DUSP3: variants seen among roughly 807,000 people sequenced by gnomAD.
DUSP3 encodes dual specificity phosphatase 3.
A neutral mutation model predicts 15.5 loss-of-function variants in DUSP3; 7 were observed. That is an observed-to-expected ratio of 0.45 (90% CI 0.26 to 0.85). The LOEUF (loss-of-function observed/expected upper bound fraction) is 0.85, where lower values mean the gene tolerates loss of function less well. Among genes scored for constraint, DUSP3 ranks in the 40% least tolerant of loss-of-function variants. DUSP3 has a pLI of 0.18. For missense variants in DUSP3, 209 were observed against 251.7 expected (o/e 0.83, Z 1.15); for synonymous variants, 86 against 104.2 (o/e 0.83, Z 1.07).
chr17:43,772,452 C>T (rs967876206), intron 2 of DUSP3, among the ~76,000 whole-genome samples: 6 of 152,152 alleles, frequency 3.9e-5, no homozygotes, highest in African/African-American at 1.4e-4. Flanking sequence ...ACCTCCCATT[C>T]CTCTAGGCTC....
In DUSP3 at chr17:43,769,587, G is replaced by A. The variant is rs369228667; in HGVS notation, c.*22C>T. ...CCACGGCCTCCCCCACGGACCTCTC[G>A]AGCAGAGGTGGTGGGGGTGCCCTAG... On this transcript the variant is annotated 3_prime_UTR_variant, in exon 3 of 3. Coordinates refer to ENST00000226004, the MANE Select transcript of DUSP3 (RefSeq NM_004090.4). 2.2e-5 allele frequency: 36 copies of A among 1,609,914 alleles called. 1 individual carries two copies. In the African/African-American group the frequency reaches 3.3e-4, roughly 15 times the overall value.
rs562272554 is a variant in DUSP3, at chr17:43,775,374, T to C, written c.126-436A>G. On this transcript the variant is annotated intron_variant, in intron 1 of 2. Transcript: ENST00000226004. ...TGCCCAGGTACTAGCCAGGCAACCT[T>C]AAGCAAGCCATTTAACCTTTCTGTG... Among the ~76,000 whole-genome samples, 66 of 152,318 alleles carry C rather than the reference T, an allele frequency of 4.3e-4. 1 individual carries two copies. The highest frequency in any genetic ancestry group is 1.5e-3 in the African/African-American group (64 of 41,566).
intron 1 of DUSP3, among the ~76,000 whole-genome samples, chr17:43,776,949 G>A (rs976619660): frequency 1.3e-5 from 2 of 152,062 alleles, no homozygotes; most frequent in East Asian, 1.9e-4. Context: ...ACTTTGAAGA[G>A]TCACTCCCAT....
At chr17:43,770,007 G>A (rs1427884011) in intron 2 of DUSP3, among the ~76,000 whole-genome samples, 193 bp from the exon 3 acceptor site, 4 of 152,170 alleles carry the variant, frequency 2.6e-5, no homozygotes, top group Non-Finnish European at 5.9e-5. Flanking sequence ...ACTCTTCTGC[G>A]TGGCTGGGGG....
chr17:43,769,724 T>A lies in DUSP3; in HGVS notation c.443A>T (p.Lys148Met). The change falls in exon 3 of 3, where the codon AAG becomes ATG. Residue 148 changes from lysine to methionine, a missense_variant. Transcript: ENST00000226004. ...CTGCCTCACGATGCTCAGGGCAGACTTGACGTCCATCTTCTGCCGCATCAT... is the reference window on the plus strand; with the variant it reads ...CTGCCTCACGATGCTCAGGGCAGACATGACGTCCATCTTCTGCCGCATCAT... ...YLMMRQKMDV[K>M]SALSIVRQNR... The A allele has an allele frequency of 6.2e-7, 1 of 1,614,082 alleles. No individual in the cohort carries two copies. The highest frequency in any genetic ancestry group is 8.5e-7 in the Non-Finnish European group (1 of 1,179,990).
At chr17:43,776,190 A>G (rs1422712994) in intron 1 of DUSP3, among the ~76,000 whole-genome samples, 5 of 152,242 alleles carry the variant, frequency 3.3e-5, no homozygotes, top group Non-Finnish European at 5.9e-5. Flanking sequence ...ATTTCATCTC[A>G]CAAAACATCC....
At chr17:43,777,030 C>T (rs1014593313) in intron 1 of DUSP3, among the ~76,000 whole-genome samples, 25 of 151,912 alleles carry the variant, frequency 1.6e-4, no homozygotes, top group African/African-American at 5.1e-4. Context: ...TGGAGTGCAA[C>T]GGTACGATCT....
At chr17:43,772,970 A>C (rs144208250) in intron 2 of DUSP3, among the ~76,000 whole-genome samples, 16 of 152,290 alleles carry the variant, frequency 1.1e-4, no homozygotes, top group East Asian at 9.6e-4. Context: ...TGAATGAATA[A>C]CCAATTGCTA....
chr17:43,777,401 T>G (rs1361701670), intron 1 of DUSP3: 2 of 406,986 alleles, frequency 4.9e-6, no homozygotes, highest in Non-Finnish European at 9.9e-6. Context: ...AATGATGGAA[T>G]GGATGAGAAC....
At chr17:43,769,886 C>T (rs1011412249) in intron 2 of DUSP3, 72 bp from the exon 3 acceptor site, 32 of 1,495,938 alleles carry the variant, frequency 2.1e-5, no homozygotes, top group African/African-American at 8.4e-5. Flanking sequence ...AAGACTCTTC[C>T]GTGAAGTGCC....
rs1434603921 is a variant in DUSP3 at position 43,766,129 on chromosome 17, T to G, written c.*3480A>C. 1 of 152,692 alleles carries G rather than the reference T, an allele frequency of 6.5e-6. No homozygotes were observed. The highest frequency in any genetic ancestry group is 1.5e-5 in the Non-Finnish European group (1 of 68,048). 9.5% of individuals were successfully genotyped at this position (152,692 alleles called of 1,614,324 possible). The stretch of plus-strand genomic sequence containing the variant: ...GAAGGACAAAAAAACAATACCTTTG[T>G]AATGTAAGACATTTATTTTGGCTAA... On this transcript the variant is annotated 3_prime_UTR_variant, in exon 3 of 3. Coordinates refer to ENST00000226004, the MANE Select transcript of DUSP3 (RefSeq NM_004090.4).
At chr17:43,774,613 A>C in intron 2 of DUSP3, 99 bp downstream of exon 2, 1 of 1,304,118 alleles carries the variant, frequency 7.7e-7, no homozygotes, top group Non-Finnish European at 1.1e-6. Flanking sequence ...GATGGGAAAC[A>C]AGGGAGTTTC....
At position 43,778,861 on chromosome 17, in the gene DUSP3, A is replaced by G. The variant is rs1282667475; in HGVS notation, c.64T>C (p.Cys22Arg). 6.6e-7 allele frequency: 1 copy of G among 1,523,200 alleles called. No homozygotes were observed. The highest frequency in any genetic ancestry group is 2.1e-5 in the Admixed American group (1 of 48,270). 94.4% of individuals were successfully genotyped at this position (1,523,200 alleles called of 1,614,324 possible). Residue 22 changes from cysteine (C) to arginine (R), a missense_variant, in exon 1 of 3, where the codon TGC (cysteine) becomes CGC (arginine). Cys to Arg is a radical substitution (Grantham distance 180). Transcript: ENST00000226004. The stretch of plus-strand genomic sequence containing the variant: ...CAGGGCTGGCTCGGGAGGCTGTAGC[A>G]GCCGCTGCCGTCCGAGAGCAGGTCG... The part of the protein sequence containing the change: ...LNDLLSDGSG[C>R]YSLPSQPCNE...
At chr17:43,773,545 G>T (rs893184470) in intron 2 of DUSP3, among the ~76,000 whole-genome samples, 11 of 152,194 alleles carry the variant, frequency 7.2e-5, no homozygotes, top group Non-Finnish European at 1.0e-4. Context: ...GGCCAGGGGG[G>T]CTGTGGTTTG....
At chr17:43,774,419 C>T (rs753590742) in intron 2 of DUSP3, among the ~76,000 whole-genome samples, 18 of 152,196 alleles carry the variant, frequency 1.2e-4, no homozygotes, top group Non-Finnish European at 2.4e-4. Context: ...CTCATCGTTA[C>T]AGCTGTTTGA....
rs1386360675 is a variant in DUSP3, at chr17:43,766,914, T to A, written c.*2695A>T. The A allele has an allele frequency of 6.6e-6, 1 of 152,224 alleles. No individual in the cohort carries two copies. The highest frequency in any genetic ancestry group is 1.5e-5 in the Non-Finnish European group (1 of 68,052). 9.4% of individuals were successfully genotyped at this position (152,224 alleles called of 1,614,324 possible). On this transcript the variant is annotated 3_prime_UTR_variant, in exon 3 of 3. Transcript: ENST00000226004. ...AGGGGGTAAGGGCACCCTGAGTTCC[T>A]GTTCCATCACTTCCCAGGCAGTAGA...
At position 43,769,743 on chromosome 17, in the gene DUSP3, G is replaced by A. The variant is rs1380319519; in HGVS notation, c.424C>T (p.Arg142Trp). The A allele has an allele frequency of 7.4e-6, 12 of 1,613,988 alleles. No homozygotes were observed. The highest frequency in any genetic ancestry group is 9.3e-6 in the Non-Finnish European group (11 of 1,179,954). Residue 142 changes from arginine (R) to tryptophan (W), a missense_variant, in exon 3 of 3, where the codon CGG becomes TGG. Transcript: ENST00000226004. ...GCAGACTTGACGTCCATCTTCTGCC[G>A]CATCATGAGGTAGGCGATAACTAGC... is the stretch of plus-strand genomic sequence containing the variant. ...PTLVIAYLMM[R>W]QKMDVKSALS...
chr17:43,774,967 T>C, intron 1 of DUSP3, 29 bp from the exon 2 acceptor site: 1 of 1,608,582 alleles, frequency 6.2e-7, no homozygotes, highest in Non-Finnish European at 8.5e-7. Flanking sequence ...TGGGGATGAT[T>C]AACCAACCAA....
At position 43,774,806 on chromosome 17, in the gene DUSP3, C is replaced by T. The variant is rs1438250780; in HGVS notation, c.258G>A (p.Leu86=). The T allele has an allele frequency of 6.2e-7, 1 of 1,614,130 alleles. No homozygotes were observed. The highest frequency in any genetic ancestry group is 1.7e-5 in the Admixed American group (1 of 60,016). The change falls in exon 2 of 3, where the codon CTG becomes CTA. Residue 86 remains leucine, a synonymous_variant. Transcript: ENST00000226004. ...CCTGTGTGTCGTTGGCCTTGATGCC[C>T]AGGTATGTGATGCCGGAGTCCTTGT... ...NFYKDSGITY[L]GIKANDTQEF...
Sources: gnomAD v4.1 joint callset for allele counts (sites outside exome capture counted in the v4.1 genomes callset) on GRCh38, gnomAD v4.1.1 for gene constraint, MANE v1.5 for transcripts, NCBI Gene and HGNC (gene_info 2026-07-23, HGNC 2026-07-21) for gene names.